The following NAV2 variants were observed in gnomAD, a reference collection of about 807,000 sequenced individuals.
NAV2 encodes the protein helicase, APC down-regulated 1.
NAV2 carries 54 observed loss-of-function variants against 223.2 expected under a neutral mutation model. The observed-to-expected ratio is 0.24, with a 90% CI of 0.19 to 0.30. The LOEUF (loss-of-function observed/expected upper bound fraction) is 0.30. NAV2 is among the 10% of genes least tolerant of loss of function. The pLI is 1.00. For synonymous variants in NAV2, 1,279 were observed against 1,239.3 expected (o/e 1.03, Z -0.67); for missense variants, 2,806 against 3,147.5 (o/e 0.89, Z 2.60).
chr11:19,653,069 T>C (rs1309129811), intron 1 of NAV2, among the ~76,000 whole-genome samples: 1 of 152,134 alleles, frequency 6.6e-6, no homozygotes, highest in Non-Finnish European at 1.5e-5. Flanking sequence ...AGCCATCCTT[T>C]CTCCATTCCC....
intron 1 of NAV2, among the ~76,000 whole-genome samples, chr11:19,829,118 A>G (rs2059801105): frequency 6.6e-6 from 1 of 152,250 alleles, no homozygotes; most frequent in African/African-American, 2.4e-5. Context: ...GCTGAGGCAC[A>G]GCATCTCATC....
At chr11:19,618,531 T>A (rs1176151035) in intron 1 of NAV2, among the ~76,000 whole-genome samples, 1 of 151,896 alleles carries the variant, frequency 6.6e-6, no homozygotes, top group East Asian at 1.9e-4. Flanking sequence ...GATGGATGGA[T>A]GGATGGATGG....
At chr11:20,062,131 CA>C (rs2058745097) in intron 19 of NAV2, among the ~76,000 whole-genome samples, 175 bp from the exon 20 acceptor site, 1 of 152,184 alleles carries the variant, frequency 6.6e-6, no homozygotes, top group Non-Finnish European at 1.5e-5. Flanking sequence ...ACATCCTTAG[CA>C]AACTATTACT....
chr11:19,750,424 C>T (rs1033340864), intron 1 of NAV2, among the ~76,000 whole-genome samples: 1 of 152,216 alleles, frequency 6.6e-6, no homozygotes, highest in African/African-American at 2.4e-5. Context: ...ACCTTTCAAA[C>T]AATGCTTTGG....
In NAV2 at chr11:20,029,738, G is replaced by A. The variant is rs538451230; in HGVS notation, c.2769-6221G>A. 3.0e-4 allele frequency among the ~76,000 whole-genome samples: 46 copies of A among 152,294 alleles called. No individual in the cohort carries two copies. The South Asian group carries it at 8.9e-3, about 29-fold the overall frequency. On this transcript the variant is annotated intron_variant, in intron 11 of 37. Transcript: ENST00000349880. ...TCTAAAAATGTGGAGTTTATGAGAA[G>A]AAACATAGAAAATGTTTCATAAAAT...
At chr11:19,606,115 A>C (rs942621267) in intron 1 of NAV2, among the ~76,000 whole-genome samples, 3 of 152,236 alleles carry the variant, frequency 2.0e-5, no homozygotes, top group Non-Finnish European at 4.4e-5. Context: ...AGAGATCCCT[A>C]GGGAGAGCTT....
intron 6 of NAV2, among the ~76,000 whole-genome samples, chr11:19,917,003 A>G (rs561958276): frequency 6.6e-6 from 1 of 152,362 alleles, no homozygotes; most frequent in East Asian, 1.9e-4. Flanking sequence ...GAAGTAAAGG[A>G]GAACAACTAA....
At chr11:20,043,821 T>C (rs1244855049) in intron 12 of NAV2, 160 bp from the exon 13 acceptor site, 1 of 605,784 alleles carries the variant, frequency 1.7e-6, no homozygotes, top group Admixed American at 2.9e-5. Flanking sequence ...AAAATCAGTC[T>C]TTCTAACAAG....
upstream of NAV2, among the ~76,000 whole-genome samples, chr11:19,346,334 G>A (rs1047066728): frequency 1.4e-4 from 22 of 152,346 alleles, no homozygotes; most frequent in African/African-American, 5.3e-4. Context: ...GTGTTGGTGG[G>A]GGTGGTGTAG....
At chr11:20,084,284 G>C (rs1193981732) in intron 26 of NAV2, among the ~76,000 whole-genome samples, 1 of 152,162 alleles carries the variant, frequency 6.6e-6, no homozygotes, top group African/African-American at 2.4e-5. Context: ...TTTTAGTAGA[G>C]ACGAGGTTTC....
intron 5 of NAV2, among the ~76,000 whole-genome samples, chr11:19,880,755 A>G (rs1296851437): frequency 1.3e-5 from 2 of 152,094 alleles, no homozygotes; most frequent in African/African-American, 4.8e-5. Context: ...TGCCAGTCAT[A>G]CTCACCAGGT....
chr11:19,787,270 CTTTTTTTTTTTTTT>C (rs757183666), intron 1 of NAV2, among the ~76,000 whole-genome samples: 5 of 55,002 alleles, frequency 9.1e-5, no homozygotes, highest in South Asian at 1.8e-3. Context: ...TTTATTGGAT[CTTTTTTTTTTTTTT>C]TTTTTTTTTT....
intron 1 of NAV2, among the ~76,000 whole-genome samples, chr11:19,374,810 A>T (rs2133882857): frequency 6.6e-6 from 1 of 151,942 alleles, no homozygotes; most frequent in South Asian, 2.1e-4. Flanking sequence ...TGGCAATTTG[A>T]CTCCCATTGT....
intron 1 of NAV2, among the ~76,000 whole-genome samples, chr11:19,433,192 C>T (rs538334713): frequency 6.6e-6 from 1 of 152,270 alleles, no homozygotes; most frequent in East Asian, 1.9e-4. Flanking sequence ...GAGGATGCCT[C>T]TAAAGGGCAG....
intron 1 of NAV2, among the ~76,000 whole-genome samples, chr11:19,538,907 A>ATG (rs1554959751): frequency 6.6e-6 from 1 of 150,376 alleles, no homozygotes; most frequent in African/African-American, 2.5e-5. Context: ...ATATATATAT[A>ATG]TCTTTCCACT....
chr11:19,768,719 G>A (rs1036687966), intron 1 of NAV2, among the ~76,000 whole-genome samples: 2 of 152,118 alleles, frequency 1.3e-5, no homozygotes, highest in East Asian at 1.9e-4. Context: ...ACAGGCCTGC[G>A]TTGCAATTCC....
At chr11:19,520,398 T>G (rs557177786) in intron 1 of NAV2, among the ~76,000 whole-genome samples, 25 of 152,350 alleles carry the variant, frequency 1.6e-4, no homozygotes, top group African/African-American at 5.5e-4. Flanking sequence ...CTGCCAACCC[T>G]GAGGCAAAAT....
At chr11:20,010,502 C>T (rs952717476) in intron 11 of NAV2, among the ~76,000 whole-genome samples, 20 of 152,150 alleles carry the variant, frequency 1.3e-4, no homozygotes, top group African/African-American at 4.8e-4. Context: ...GTGACAGCCC[C>T]CCACCACCTT....
chr11:19,390,012 T>G (rs1010721788), intron 1 of NAV2, among the ~76,000 whole-genome samples: 3 of 152,198 alleles, frequency 2.0e-5, no homozygotes, highest in African/African-American at 7.2e-5. Context: ...TTGGCTAGAG[T>G]TTTGTAATCT....
Sources: gnomAD v4.1 joint callset for allele counts (sites outside exome capture counted in the v4.1 genomes callset) on GRCh38, gnomAD v4.1.1 for gene constraint, MANE v1.5 for transcripts, NCBI Gene and HGNC (gene_info 2026-07-23, HGNC 2026-07-21) for gene names.